Variants in DOCK1 observed in about 807,000 individuals in gnomAD.
DOCK1 encodes dedicator of cytokinesis 1.
In DOCK1, 138 loss-of-function variants were observed where a neutral mutation model predicts 262.7. That is an observed-to-expected ratio of 0.53 (90% CI 0.46 to 0.61). DOCK1 has a LOEUF of 0.61. Ranked by LOEUF, DOCK1 falls within the 20% of genes least tolerant of loss-of-function variation. The probability of loss-of-function intolerance (pLI) is 0.00; values close to 1 mark genes in which losing one functional copy is unlikely to be tolerated. For missense variants in DOCK1, 1,908 were observed against 2,370.7 expected, an observed-to-expected ratio of 0.80 and a Z score of 4.05; for synonymous variants, 866 against 867.4, an observed-to-expected ratio of 1.00 and a Z score of 0.03.
In DOCK1 at chr10:127,419,693, G is replaced by A. The variant is rs41282902; in HGVS notation, c.4720G>A (p.Glu1574Lys). ...CTTCTTTACAGACCGGTACCTGCAG[G>A]AGCACCCTGAGGCCCATGAAAAGAT... ...KAFFTDRYLQ[E>K]HPEAHEKIEK... The change falls in exon 46 of 52, where the codon GAG becomes AAG. Residue 1574 changes from glutamate (E) to lysine (K), a missense_variant. Physicochemically the swap from Glu to Lys is moderately conservative, Grantham distance 56. Around this residue, in one of 9 missense-constraint regions of DOCK1, gnomAD observed 383 missense variants for 420.1 expected, o/e 0.91. Coordinates refer to ENST00000623213, the MANE Select transcript of DOCK1 (RefSeq NM_001290223.2). The A allele has an allele frequency of 3.6e-3, 5,764 of 1,605,814 alleles. 18 individuals carry two copies. Among genetic ancestry groups the A allele is most frequent in the Admixed American group, 4.5e-3 (267 of 59,258 alleles).
chr10:127,431,466 AT>A, intron 47 of DOCK1, among the ~76,000 whole-genome samples: 1 of 152,270 alleles, frequency 6.6e-6, no homozygotes, highest in South Asian at 2.1e-4. Context: ...ACCTTCTGAG[AT>A]TATGTATGGG....
chr10:127,170,212 G>A (rs1037205325), intron 27 of DOCK1, among the ~76,000 whole-genome samples: 2 of 152,124 alleles, frequency 1.3e-5, no homozygotes, highest in African/African-American at 4.8e-5. Context: ...TGTTACTTAG[G>A]ATTTTCTGTT....
At chr10:127,158,157 AC>A (rs2053258837) in intron 27 of DOCK1, among the ~76,000 whole-genome samples, 1 of 152,214 alleles carries the variant, frequency 6.6e-6, no homozygotes, top group Non-Finnish European at 1.5e-5. Context: ...AGTTATTTCT[AC>A]AGGACAGGGA....
At chr10:127,035,125 A>G (rs2043506793) in intron 18 of DOCK1, among the ~76,000 whole-genome samples, 1 of 152,180 alleles carries the variant, frequency 6.6e-6, no homozygotes, top group Admixed American at 6.5e-5. Flanking sequence ...GTGGCATGTC[A>G]GGTGTGTACA....
intron 29 of DOCK1, among the ~76,000 whole-genome samples, chr10:127,299,266 T>A (rs759905341): frequency 6.7e-6 from 1 of 150,210 alleles, no homozygotes; most frequent in African/African-American, 2.5e-5. Context: ...ACCTGGCTAA[T>A]TTTTTTGCAT....
intron 29 of DOCK1, among the ~76,000 whole-genome samples, chr10:127,299,773 T>C (rs1564974727): frequency 1.3e-5 from 2 of 152,180 alleles, no homozygotes; most frequent in Admixed American, 6.5e-5. Context: ...ACCTACGTAC[T>C]TTGGAGCTAG....
intron 44 of DOCK1, 129 bp from the exon 45 acceptor site, chr10:127,418,236 A>T: frequency 9.2e-7 from 1 of 1,090,552 alleles, no homozygotes; most frequent in Non-Finnish European, 1.3e-6. Flanking sequence ...AGCCACCCAA[A>T]AATTCTGTTT....
chr10:127,439,492 G>C (rs1233264866), intron 49 of DOCK1, among the ~76,000 whole-genome samples: 1 of 152,088 alleles, frequency 6.6e-6, no homozygotes, highest in South Asian at 2.1e-4. Flanking sequence ...GCTAGGCTCT[G>C]CCGCTCTGTT....
intron 10 of DOCK1, 73 bp downstream of exon 10, chr10:127,000,380 T>C: frequency 6.4e-7 from 1 of 1,565,912 alleles, no homozygotes; most frequent in Admixed American, 1.9e-5. Flanking sequence ...CACTGTTGAA[T>C]GTTGATTGGA....
At chr10:127,129,631 G>A (rs906818349) in intron 27 of DOCK1, among the ~76,000 whole-genome samples, 5 of 152,220 alleles carry the variant, frequency 3.3e-5, no homozygotes, top group African/African-American at 9.6e-5. Flanking sequence ...GACGTCTGAC[G>A]TTCCTGTCTT....
At chr10:127,041,696 A>C (rs572165764) in intron 19 of DOCK1, among the ~76,000 whole-genome samples, 1 of 152,194 alleles carries the variant, frequency 6.6e-6, no homozygotes, top group African/African-American at 2.4e-5. Context: ...AAGGTCTCCA[A>C]TTTCTCTGCG....
intron 29 of DOCK1, among the ~76,000 whole-genome samples, chr10:127,259,031 G>A (rs1473667028): frequency 6.6e-6 from 1 of 152,158 alleles, no homozygotes; most frequent in Non-Finnish European, 1.5e-5. Context: ...ACCTCCCCGA[G>A]GGGTAAGCAT....
rs2041543241 is a variant in DOCK1, at chr10:127,012,572, A to G, written c.1201+198A>G. 6.6e-6 allele frequency among the ~76,000 whole-genome samples: 1 copy of G among 152,040 alleles called. No individual in the cohort carries two copies. The highest frequency in any genetic ancestry group is 1.5e-5 in the Non-Finnish European group (1 of 68,026). On this transcript the variant is annotated intron_variant, in intron 12 of 51. Coordinates refer to ENST00000623213, the MANE Select transcript of DOCK1 (RefSeq NM_001290223.2). This position sits in a 1 kb window ranked among gnomAD's most constrained non-coding sequence, Gnocchi z 4.0. ...GGTTTTCTTGCCCGTCACCTTTGTGAACATTGCTGAGAGCCCACTCCTGGA... is the reference window on the plus strand; with the variant it reads ...GGTTTTCTTGCCCGTCACCTTTGTGGACATTGCTGAGAGCCCACTCCTGGA...
intron 2 of DOCK1, among the ~76,000 whole-genome samples, chr10:126,972,224 T>C (rs180913598): frequency 2.6e-5 from 4 of 152,316 alleles, no homozygotes; most frequent in African/African-American, 9.6e-5. Context: ...CCTGAAGCAA[T>C]TGTTATAATT....
intron 23 of DOCK1, among the ~76,000 whole-genome samples, chr10:127,076,315 C>T (rs955824952): frequency 2.0e-5 from 3 of 152,160 alleles, no homozygotes; most frequent in Non-Finnish European, 4.4e-5. Flanking sequence ...TCCTGGCTAA[C>T]ACGGTGAAAC....
In DOCK1 at chr10:127,380,554, T is replaced by G. The variant is rs116202843; in HGVS notation, c.3716+432T>G. On this transcript the variant is annotated intron_variant, in intron 36 of 51. Transcript: ENST00000623213. The stretch of plus-strand genomic sequence containing the variant: ...TTAACTGACGCCATAGTCCCGTGTT[T>G]TTTATGTCTTTCTTCCATGAAGAAG... 2.0e-3 allele frequency among the ~76,000 whole-genome samples: 299 copies of G among 152,352 alleles called. 2 individuals are homozygous for G. The highest frequency in any genetic ancestry group is 7.0e-3 in the African/African-American group (291 of 41,590).
At position 127,397,000 on chromosome 10, in the gene DOCK1, A is replaced by G. The variant is rs1283030583; in HGVS notation, c.3928-6055A>G. On this transcript the variant is annotated intron_variant, in intron 38 of 51. Coordinates refer to ENST00000623213, the MANE Select transcript of DOCK1 (RefSeq NM_001290223.2). The stretch of plus-strand genomic sequence containing the variant: ...TGATCTGAGCATCAGTTACACGGGC[A>G]GCGACTCCTATGTGATCTGAGCATG... Among the ~76,000 whole-genome samples the G allele has an allele frequency of 3.9e-3, 446 of 114,120 alleles. 2 individuals are homozygous for G. The highest frequency in any genetic ancestry group is 9.4e-3 in the African/African-American group (244 of 25,988). 74.9% of individuals were successfully genotyped at this position (114,120 alleles called of 152,430 possible). A position where few individuals can be genotyped will look rare whatever the true frequency, so the allele number is the denominator to read the frequency against.
In DOCK1 at chr10:127,437,112, T is replaced by C. The variant is rs2069740588; in HGVS notation, c.5061-1915T>C. On this transcript the variant is annotated intron_variant, in intron 48 of 51. Transcript: ENST00000623213. This position sits in a 1 kb window ranked among gnomAD's most constrained non-coding sequence, Gnocchi z 4.4. Reference sequence around the variant, plus strand: ...TCTAGCGATTTGATCAGATTCAGATTTGATTTAGGGACAAGATGACTTCAT... The same window carrying C: ...TCTAGCGATTTGATCAGATTCAGATCTGATTTAGGGACAAGATGACTTCAT... Among the ~76,000 whole-genome samples, 1 of 152,198 alleles carries C rather than the reference T, an allele frequency of 6.6e-6. No homozygotes were observed. Among genetic ancestry groups the C allele is most frequent in the Non-Finnish European group, 1.5e-5 (1 of 68,034 alleles).
rs1452814134 is a variant in DOCK1 at position 126,953,933 on chromosome 10, C to G, written c.47-16769C>G. Among the ~76,000 whole-genome samples, 4 of 152,060 alleles carry G rather than the reference C, an allele frequency of 2.6e-5. No individual in the cohort carries two copies. In the East Asian group the frequency reaches 7.7e-4, roughly 29 times the overall value. On this transcript the variant is annotated intron_variant, in intron 1 of 51. Transcript: ENST00000623213. ...GTGGAGAGATGTTCAGTAGTTTGCT[C>G]GGTACATTTTTAAAACTTCCGAGTG...
Sources: gnomAD v4.1 joint callset for allele counts (sites outside exome capture counted in the v4.1 genomes callset) on GRCh38, gnomAD v4.1.1 for gene constraint, gnomAD v4.1.1 regional missense constraint, Gnocchi (gnomAD v3.1) non-coding constraint, MANE v1.5 for transcripts, NCBI Gene and HGNC (gene_info 2026-07-23, HGNC 2026-07-21) for gene names.